GNAO1: variants seen among roughly 807,000 people sequenced by gnomAD.
GNAO1 encodes the protein guanine nucleotide-binding protein G(o) subunit alpha.
For missense variants in GNAO1, 166 were observed against 478.7 expected, an observed-to-expected ratio of 0.35 and a Z score of 6.10; for synonymous variants, 164 against 180.7, an observed-to-expected ratio of 0.91 and a Z score of 0.74.
At chr16:56,320,988 A>G (rs77942909) in intron 3 of GNAO1, among the ~76,000 whole-genome samples, 2,243 of 152,286 alleles carry the variant, frequency 0.015, 53 homozygotes, top group African/African-American at 0.052. Context: ...CTAGTGCCAT[A>G]CCAGTCCCAT....
At chr16:56,251,031 C>G (rs1293139010) in intron 2 of GNAO1, among the ~76,000 whole-genome samples, 1 of 152,216 alleles carries the variant, frequency 6.6e-6, no homozygotes, top group Non-Finnish European at 1.5e-5. Context: ...AATGTCTAAT[C>G]TATGATTTTA....
chr16:56,305,347 A>T (rs1341863849), intron 3 of GNAO1, among the ~76,000 whole-genome samples: 1 of 152,206 alleles, frequency 6.6e-6, no homozygotes. Context: ...ACCTTGCAAT[A>T]AGTGCTGTTA....
At chr16:56,211,236 G>A (rs1364259924) in intron 2 of GNAO1, among the ~76,000 whole-genome samples, 1 of 152,174 alleles carries the variant, frequency 6.6e-6, no homozygotes, top group Non-Finnish European at 1.5e-5. Context: ...GCAGATTATT[G>A]ATAACCCCTT....
At chr16:56,210,130 G>A (rs1391375490) in intron 2 of GNAO1, among the ~76,000 whole-genome samples, 1 of 152,158 alleles carries the variant, frequency 6.6e-6, no homozygotes, top group Non-Finnish European at 1.5e-5. Context: ...ATGTCACATA[G>A]TTGGAATCAT....
At chr16:56,340,937 A>G in intron 6 of GNAO1, 1 of 1,613,862 alleles carries the variant, frequency 6.2e-7, no homozygotes. Context: ...GACATATTTG[A>G]AGAGAAGATC....
intron 2 of GNAO1, among the ~76,000 whole-genome samples, chr16:56,266,588 G>A (rs1325319781): frequency 1.3e-5 from 2 of 152,202 alleles, no homozygotes; most frequent in Non-Finnish European, 2.9e-5. Context: ...CGTGGCTTGG[G>A]AAACAAGACT....
At position 56,240,133 on chromosome 16, in the gene GNAO1, C is replaced by G. The variant is rs201997171; in HGVS notation, c.162-35798C>G. ...CACAGCCAGCCCCAGTGTAATCTTA[C>G]AATGGAGATGGGATCTCTTCCTCAG... On this transcript the variant is annotated intron_variant, in intron 2 of 8. Coordinates refer to ENST00000262493, the MANE Select transcript of GNAO1 (RefSeq NM_020988.3). 2.0e-5 allele frequency among the ~76,000 whole-genome samples: 3 copies of G among 152,276 alleles called. No homozygotes were observed. The East Asian group carries it at 5.8e-4, about 29-fold the overall frequency.
chr16:56,324,465 C>A (rs1302744225), intron 3 of GNAO1, among the ~76,000 whole-genome samples: 1 of 152,230 alleles, frequency 6.6e-6, no homozygotes. Context: ...GCCAGGTCCA[C>A]CACCCGCATT....
intron 3 of GNAO1, among the ~76,000 whole-genome samples, chr16:56,300,208 C>T (rs573837869): frequency 6.6e-6 from 1 of 152,070 alleles, no homozygotes; most frequent in East Asian, 1.9e-4. Flanking sequence ...GCACTAATGA[C>T]CTACTATGTA....
chr16:56,303,880 T>C (rs1265858131), intron 3 of GNAO1, among the ~76,000 whole-genome samples: 1 of 152,122 alleles, frequency 6.6e-6, no homozygotes, highest in Non-Finnish European at 1.5e-5. Flanking sequence ...ACCTCTGATC[T>C]ACCCAATGCG....
intron 3 of GNAO1, among the ~76,000 whole-genome samples, chr16:56,284,165 A>G (rs913621772): frequency 1.3e-5 from 2 of 152,226 alleles, no homozygotes; most frequent in African/African-American, 4.8e-5. Context: ...AGTGCACAAG[A>G]TGGCAGAGGT....
chr16:56,343,635 G>A (rs1177053338), intron 6 of GNAO1: 3 of 670,958 alleles, frequency 4.5e-6, no homozygotes, highest in Non-Finnish European at 7.6e-6. Flanking sequence ...CCTCCATCAG[G>A]TTTTCCCTGT....
chr16:56,298,914 C>CAAAA lies in GNAO1; in HGVS notation c.303+22855_303+22858dup, dbSNP rs761298658. 1.5e-3 allele frequency among the ~76,000 whole-genome samples: 104 copies of CAAAA among 70,308 alleles called. 1 individual carries two copies. The highest frequency in any genetic ancestry group is 2.5e-3 in the Non-Finnish European group (85 of 33,524). 46.1% of individuals were successfully genotyped at this position (70,308 alleles called of 152,430 possible). On this transcript the variant is annotated intron_variant, in intron 3 of 8. Coordinates refer to ENST00000262493, the MANE Select transcript of GNAO1 (RefSeq NM_020988.3). ...TGGGCGAGAGAGTGAGACTCTGTCT[C>CAAAA]AAAAAAAAAAAAAAAAGGGTTAATT...
intron 2 of GNAO1, among the ~76,000 whole-genome samples, chr16:56,199,619 A>G (rs1412985249): frequency 1.3e-5 from 2 of 152,202 alleles, no homozygotes; most frequent in Non-Finnish European, 2.9e-5. Flanking sequence ...TGGGCAGATC[A>G]TTTGGCCACC....
chr16:56,333,648 G>A (rs2037713291), intron 4 of GNAO1, among the ~76,000 whole-genome samples: 1 of 152,260 alleles, frequency 6.6e-6, no homozygotes, highest in Non-Finnish European at 1.5e-5. Flanking sequence ...AGCTGGCGAA[G>A]TCATCTGCCC....
chr16:56,255,621 T>C (rs1330637838), intron 2 of GNAO1: 1 of 152,180 alleles, frequency 6.6e-6, no homozygotes, highest in African/African-American at 2.4e-5. Context: ...TTTCTTGTCG[T>C]CCTTCCTGGA....
chr16:56,249,879 A>G (rs2036784028), intron 2 of GNAO1, among the ~76,000 whole-genome samples: 1 of 152,178 alleles, frequency 6.6e-6, no homozygotes, highest in Admixed American at 6.5e-5. Flanking sequence ...TTTAGCCCTC[A>G]TTGCACAGAT....
intron 2 of GNAO1, chr16:56,270,249 C>G (rs2037003849): frequency 6.6e-6 from 1 of 152,360 alleles, no homozygotes; most frequent in Admixed American, 6.5e-5. Flanking sequence ...ACTCCACAGT[C>G]AGTCCTTGGT....
At chr16:56,280,122 A>G (rs1052032762) in intron 3 of GNAO1, among the ~76,000 whole-genome samples, 1 of 152,246 alleles carries the variant, frequency 6.6e-6, no homozygotes, top group African/African-American at 2.4e-5. Flanking sequence ...GAAGATTCAA[A>G]GGCATGTGAG....
Sources: allele counts gnomAD v4.1 joint callset (sites outside exome capture counted in the v4.1 genomes callset), GRCh38; gene constraint gnomAD v4.1.1; transcripts MANE v1.5; gene names NCBI Gene and HGNC (gene_info 2026-07-23, HGNC 2026-07-21).